The following ARHGAP12 variants were observed in gnomAD, a reference collection of about 807,000 sequenced individuals.
ARHGAP12 encodes the protein rho GTPase-activating protein 12.
Under a neutral mutation model 108.6 loss-of-function variants are expected in ARHGAP12, and 64 were observed. The ratio of observed to expected loss-of-function variants is 0.59; its 90% CI spans 0.48 to 0.73. ARHGAP12 has a LOEUF of 0.73. Among genes scored for constraint, ARHGAP12 ranks in the 30% least tolerant of loss-of-function variants. The probability of loss-of-function intolerance (pLI) is 0.00; values close to 1 mark genes in which losing one functional copy is unlikely to be tolerated. For synonymous variants in ARHGAP12, 312 were observed against 337.2 expected (o/e 0.93, Z 0.82); for missense variants, 940 against 1,005.9 (o/e 0.93, Z 0.89).
At chr10:31,831,668 ATAAT>A in intron 10 of ARHGAP12, 67 bp downstream of exon 10, 1 of 1,052,620 alleles carries the variant, frequency 9.5e-7, no homozygotes, top group Non-Finnish European at 1.4e-6. Flanking sequence ...TTATACTAAA[ATAAT>A]TATATTGAGA....
intron 1 of ARHGAP12, chr10:31,913,254 G>A (rs933000073): frequency 1.9e-5 from 3 of 153,944 alleles, no homozygotes; most frequent in African/African-American, 7.2e-5. Context: ...GCTTCTAAGG[G>A]TCTTTCTAAG....
intron 3 of ARHGAP12, among the ~76,000 whole-genome samples, chr10:31,875,757 C>T (rs189908303): frequency 8.9e-4 from 135 of 152,290 alleles, no homozygotes; most frequent in Non-Finnish European, 1.7e-3. Context: ...TTTCCCACTA[C>T]GGTGCAACCA....
At chr10:31,919,601 G>A (rs1229407511) in intron 1 of ARHGAP12, among the ~76,000 whole-genome samples, 1 of 148,688 alleles carries the variant, frequency 6.7e-6, no homozygotes, top group Non-Finnish European at 1.5e-5. Context: ...GACCATCCTG[G>A]CTCCCACGGT....
chr10:31,825,173 G>A (rs901764183), intron 11 of ARHGAP12, among the ~76,000 whole-genome samples: 2 of 152,122 alleles, frequency 1.3e-5, no homozygotes, highest in Non-Finnish European at 2.9e-5. Context: ...TGGATTTTTA[G>A]GTTTCCTCAT....
At chr10:31,848,073 G>A (rs1836529981) in intron 6 of ARHGAP12, among the ~76,000 whole-genome samples, 1 of 152,124 alleles carries the variant, frequency 6.6e-6, no homozygotes, top group African/African-American at 2.4e-5. Context: ...CGTGGCAATG[G>A]CAGAGGTGCA....
chr10:31,839,844 C>A, intron 7 of ARHGAP12, 133 bp from the exon 8 acceptor site: 1 of 539,892 alleles, frequency 1.9e-6, no homozygotes, highest in Non-Finnish European at 3.0e-6. Context: ...ATATTCAGCT[C>A]CAAGCTAATA....
intron 3 of ARHGAP12, among the ~76,000 whole-genome samples, chr10:31,896,241 A>AT (rs1838687165): frequency 1.3e-5 from 2 of 150,736 alleles, no homozygotes; most frequent in African/African-American, 2.4e-5. Context: ...AGTATAATAA[A>AT]AATATATATA....
intron 1 of ARHGAP12, among the ~76,000 whole-genome samples, chr10:31,912,886 T>C (rs972378089): frequency 2.0e-5 from 3 of 152,248 alleles, no homozygotes; most frequent in African/African-American, 7.2e-5. Context: ...AAAAAACTTA[T>C]TATAAATTAT....
intron 11 of ARHGAP12, among the ~76,000 whole-genome samples, chr10:31,820,712 T>TTTTA (rs1835380942): frequency 8.5e-6 from 1 of 118,278 alleles, no homozygotes; most frequent in African/African-American, 2.9e-5. Context: ...TTCCATCATA[T>TTTTA]TATATATATA....
At chr10:31,909,405 A>C (rs576364324) in intron 2 of ARHGAP12, among the ~76,000 whole-genome samples, 1 of 152,204 alleles carries the variant, frequency 6.6e-6, no homozygotes, top group East Asian at 1.9e-4. Context: ...CTGCATCCTC[A>C]CATCACTACA....
intron 8 of ARHGAP12, 32 bp from the exon 9 acceptor site, chr10:31,839,351 T>C (rs1254904836): frequency 1.0e-5 from 16 of 1,586,902 alleles, no homozygotes; most frequent in Middle Eastern, 1.7e-4. Context: ...TATAATGTCA[T>C]AGTATTGTCT....
chr10:31,921,491 C>T (rs537322842), intron 1 of ARHGAP12, among the ~76,000 whole-genome samples: 8 of 151,918 alleles, frequency 5.3e-5, no homozygotes, highest in Non-Finnish European at 1.0e-4. Context: ...AGAGGTCGGG[C>T]GCGGTAGCTC....
intron 3 of ARHGAP12, among the ~76,000 whole-genome samples, chr10:31,897,901 A>G (rs1231092460): frequency 1.3e-5 from 2 of 152,176 alleles, no homozygotes; most frequent in African/African-American, 4.8e-5. Context: ...CAAGGCAGGC[A>G]GATCGCTTGC....
intron 1 of ARHGAP12, among the ~76,000 whole-genome samples, chr10:31,916,214 G>A (rs1296494009): frequency 6.6e-6 from 1 of 151,924 alleles, no homozygotes; most frequent in East Asian, 1.9e-4. Context: ...TATATACAAG[G>A]TCTGCATACC....
chr10:31,846,815 ACT>A (rs1259338738), intron 6 of ARHGAP12, among the ~76,000 whole-genome samples: 1 of 146,380 alleles, frequency 6.8e-6, no homozygotes, highest in African/African-American at 2.5e-5. Context: ...TCTGCCTCAC[ACT>A]CTTTCCTTTC....
intron 3 of ARHGAP12, among the ~76,000 whole-genome samples, chr10:31,889,619 G>GTTTTTTTTTTTTTTTTTTTTTTTTTTCT: frequency 1.5e-5 from 1 of 66,420 alleles, no homozygotes; most frequent in Non-Finnish European, 2.6e-5. Flanking sequence ...AATTTTTCTC[G>GTTTTTTTTTTTTTTTTTTTTTTTTTTCT]TTTTTTTTTT....
chr10:31,921,395 G>T (rs1839798952), intron 1 of ARHGAP12, among the ~76,000 whole-genome samples: 1 of 152,134 alleles, frequency 6.6e-6, no homozygotes, highest in Non-Finnish European at 1.5e-5. Flanking sequence ...AGCACTAAAT[G>T]CCAGAAAAAA....
In ARHGAP12 at chr10:31,875,610, C is replaced by A. The variant is rs183862768; in HGVS notation, c.685-13952G>T. Among the ~76,000 whole-genome samples, 128 of 152,318 alleles carry A rather than the reference C, an allele frequency of 8.4e-4. 1 individual carries two copies. Among genetic ancestry groups the A allele is most frequent in the African/African-American group, 3.0e-3 (123 of 41,572 alleles). On this transcript the variant is annotated intron_variant, in intron 3 of 19. Transcript: ENST00000344936. ...ATGAACAATTCATCCTAAAGTTCCACAAAACTGAGGCCTGTCTAGACACTA... is the reference window on the plus strand; with the variant it reads ...ATGAACAATTCATCCTAAAGTTCCAAAAAACTGAGGCCTGTCTAGACACTA...
rs1166409718 is a variant in ARHGAP12 at position 31,854,210 on chromosome 10, C to T, written c.949-4G>A. ...AGTTTTCTTCCGATGAAAGAAGCTA[C>T]AAATAGTCAGAAACATAAGGATTTT... On this transcript the variant is annotated splice_polypyrimidine_tract_variant and splice_region_variant and intron_variant, in intron 4 of 19. Coordinates refer to ENST00000344936, the MANE Select transcript of ARHGAP12 (RefSeq NM_018287.7). The T allele has an allele frequency of 6.3e-7, 1 of 1,597,382 alleles. No homozygotes were observed. Among genetic ancestry groups the T allele is most frequent in the Non-Finnish European group, 8.5e-7 (1 of 1,175,552 alleles).
Sources: gnomAD v4.1 joint callset for allele counts (sites outside exome capture counted in the v4.1 genomes callset) on GRCh38, gnomAD v4.1.1 for gene constraint, MANE v1.5 for transcripts, NCBI Gene and HGNC (gene_info 2026-07-23, HGNC 2026-07-21) for gene names.